The following ATF6 variants were observed in gnomAD, a reference collection of about 807,000 sequenced individuals.
The protein encoded by ATF6 is cyclic AMP-dependent transcription factor ATF-6 alpha.
ATF6 carries 53 observed loss-of-function variants against 83.6 expected under a neutral mutation model. The observed-to-expected ratio is 0.63, with a 90% CI of 0.51 to 0.80. The LOEUF (loss-of-function observed/expected upper bound fraction) is 0.80. ATF6 is among the 30% of genes least tolerant of loss of function. The probability of loss-of-function intolerance (pLI) is 0.00; values close to 1 mark genes in which losing one functional copy is unlikely to be tolerated. For missense variants in ATF6, 744 were observed against 797.9 expected, an observed-to-expected ratio of 0.93 and a Z score of 0.81; for synonymous variants, 288 against 285.8, an observed-to-expected ratio of 1.01 and a Z score of -0.08.
At chr1:161,838,392 T>C (rs1686273921) in intron 9 of ATF6, among the ~76,000 whole-genome samples, 1 of 152,178 alleles carries the variant, frequency 6.6e-6, no homozygotes, top group African/African-American at 2.4e-5. Flanking sequence ...CAACAGCAGT[T>C]ATTATTTTGG....
chr1:161,903,097 A>G (rs996724355), intron 14 of ATF6, among the ~76,000 whole-genome samples: 6 of 152,014 alleles, frequency 3.9e-5, no homozygotes, highest in Admixed American at 6.6e-5. Flanking sequence ...GTTTCTTCCA[A>G]CTCTGCTCTC....
chr1:161,941,691 G>A (rs1387078818), intron 15 of ATF6, among the ~76,000 whole-genome samples: 1 of 152,202 alleles, frequency 6.6e-6, no homozygotes, highest in African/African-American at 2.4e-5. Flanking sequence ...AAGAAGAGAT[G>A]TCAAGGATTC....
At chr1:161,797,029 A>G (rs933576375) in intron 6 of ATF6, among the ~76,000 whole-genome samples, 2 of 151,376 alleles carry the variant, frequency 1.3e-5, no homozygotes, top group African/African-American at 4.9e-5. Context: ...TATTTACTTT[A>G]TGTGTTTCTA....
chr1:161,947,926 G>A (rs995676568), intron 15 of ATF6, among the ~76,000 whole-genome samples: 2 of 137,532 alleles, frequency 1.5e-5, no homozygotes, highest in African/African-American at 5.5e-5. Context: ...CCAAGTTCAA[G>A]TGATTCTCCT....
At chr1:161,786,175 G>C (rs2101733782) in intron 4 of ATF6, among the ~76,000 whole-genome samples, 1 of 152,068 alleles carries the variant, frequency 6.6e-6, no homozygotes, top group Admixed American at 6.5e-5. Context: ...AGTAGAGACA[G>C]GGTTTCACCA....
At chr1:161,859,123 GATTTTTTTCAT>G (rs1320637006) in intron 12 of ATF6, among the ~76,000 whole-genome samples, 1 of 151,934 alleles carries the variant, frequency 6.6e-6, no homozygotes, top group East Asian at 1.9e-4. Context: ...TTTTATTGGT[GATTTTTTTCAT>G]TTGTTGTTAA....
intron 15 of ATF6, among the ~76,000 whole-genome samples, chr1:161,912,999 A>G (rs1325799179): frequency 6.6e-6 from 1 of 152,228 alleles, no homozygotes; most frequent in Non-Finnish European, 1.5e-5. Flanking sequence ...CACGTAAGTA[A>G]TATGTGAGGT....
At chr1:161,870,854 G>A (rs1249234228) in intron 14 of ATF6, among the ~76,000 whole-genome samples, 2 of 151,672 alleles carry the variant, frequency 1.3e-5, no homozygotes, top group Non-Finnish European at 3.0e-5. Flanking sequence ...AGAATGGTGG[G>A]CAGATCCATC....
At chr1:161,846,355 C>T (rs763893430) in intron 9 of ATF6, 94 bp from the exon 10 acceptor site, 192 of 1,375,200 alleles carry the variant, frequency 1.4e-4, no homozygotes, top group Non-Finnish European at 1.7e-4. Context: ...CATGGATCTG[C>T]AAAGGAATTG....
rs773642361 is a variant in ATF6, at chr1:161,892,628, C to CTT, written c.1720-19650_1720-19649dup. Among the ~76,000 whole-genome samples the CTT allele has an allele frequency of 2.6e-3, 330 of 124,662 alleles. 4 individuals are homozygous for CTT. The highest frequency in any genetic ancestry group is 7.4e-3 in the African/African-American group (242 of 32,554). The allele number at this position is 124,662 out of a possible 152,430, so 81.8% of individuals were successfully genotyped here. A position where few individuals can be genotyped will look rare whatever the true frequency, so the allele number is the denominator to read the frequency against. ...TCCCTCTCAGGTTATACAGGTCATT[C>CTT]TTTTTTTTTTTTTTTTTTTGAGATG... On this transcript the variant is annotated intron_variant, in intron 14 of 15. Transcript: ENST00000367942.
chr1:161,843,387 G>A (rs762573873), intron 9 of ATF6, among the ~76,000 whole-genome samples: 11 of 151,958 alleles, frequency 7.2e-5, no homozygotes, highest in Non-Finnish European at 1.5e-4. Context: ...TTTCATCTTT[G>A]AGTCATTAGC....
intron 1 of ATF6, among the ~76,000 whole-genome samples, chr1:161,774,120 A>C (rs561994024): frequency 2.1e-4 from 32 of 152,326 alleles, no homozygotes; most frequent in African/African-American, 7.2e-4. Context: ...TATTTTTAAA[A>C]AGCATCAATT....
At chr1:161,767,972 C>T (rs1329251758) in intron 1 of ATF6, among the ~76,000 whole-genome samples, 2 of 152,338 alleles carry the variant, frequency 1.3e-5, no homozygotes, top group East Asian at 3.9e-4. Flanking sequence ...TCTCCTGCCT[C>T]AGCCTCCCGA....
chr1:161,936,990 AAC>A (rs1688548360), intron 15 of ATF6, among the ~76,000 whole-genome samples: 1 of 152,028 alleles, frequency 6.6e-6, no homozygotes, highest in Admixed American at 6.6e-5. Flanking sequence ...TCCCTCAGCA[AAC>A]TCTACTTCAC....
At chr1:161,816,031 C>T (rs1451488220) in intron 7 of ATF6, among the ~76,000 whole-genome samples, 1 of 152,154 alleles carries the variant, frequency 6.6e-6, no homozygotes, top group African/African-American at 2.4e-5. Context: ...GGAACTTGTC[C>T]ATTTGTGAAA....
At chr1:161,894,640 A>G (rs1687636137) in intron 14 of ATF6, among the ~76,000 whole-genome samples, 1 of 136,892 alleles carries the variant, frequency 7.3e-6, no homozygotes, top group African/African-American at 2.7e-5. Context: ...AGGTTTAAGC[A>G]ATTCTCTGCC....
At chr1:161,859,499 A>G (rs1157962037) in intron 12 of ATF6, among the ~76,000 whole-genome samples, 2 of 152,248 alleles carry the variant, frequency 1.3e-5, no homozygotes, top group Non-Finnish European at 2.9e-5. Flanking sequence ...TGATTAAAAA[A>G]TTATTTAAAC....
At position 161,808,676 on chromosome 1, in the gene ATF6, A is replaced by G. The variant is rs112390079; in HGVS notation, c.909+6404A>G. Among the ~76,000 whole-genome samples the G allele has an allele frequency of 2.8e-3, 421 of 152,094 alleles. 3 individuals carry two copies. The highest frequency in any genetic ancestry group is 9.4e-3 in the African/African-American group (392 of 41,500). On this transcript the variant is annotated intron_variant, in intron 7 of 15. Coordinates refer to ENST00000367942, the MANE Select transcript of ATF6 (RefSeq NM_007348.4). ...TTGCCTTAAATATCTGGGCTTAAGCAATCCTCCTGCCTCAGGCTCCTGAGT... is the reference window on the plus strand; with the variant it reads ...TTGCCTTAAATATCTGGGCTTAAGCGATCCTCCTGCCTCAGGCTCCTGAGT...
intron 14 of ATF6, among the ~76,000 whole-genome samples, chr1:161,866,220 G>A (rs185104895): frequency 3.3e-5 from 5 of 152,244 alleles, no homozygotes; most frequent in Admixed American, 2.0e-4. Flanking sequence ...TTTATGAATG[G>A]ACATGTATTT....
Sources: allele counts gnomAD v4.1 joint callset (sites outside exome capture counted in the v4.1 genomes callset), GRCh38; gene constraint gnomAD v4.1.1; transcripts MANE v1.5; gene names NCBI Gene and HGNC (gene_info 2026-07-23, HGNC 2026-07-21).